ALDH1A1: variants seen among roughly 807,000 people sequenced by gnomAD.
ALDH1A1 encodes aldehyde dehydrogenase 1 family member A1.
Under a neutral mutation model 62.1 loss-of-function variants are expected in ALDH1A1, and 19 were observed. The ratio of observed to expected loss-of-function variants is 0.31; its 90% CI spans 0.21 to 0.45. The LOEUF is 0.45. Among genes scored for constraint, ALDH1A1 ranks in the 20% least tolerant of loss-of-function variants. The pLI is 1.00. For missense variants in ALDH1A1, 521 were observed against 607.1 expected, an observed-to-expected ratio of 0.86 and a Z score of 1.49; for synonymous variants, 231 against 215.9, an observed-to-expected ratio of 1.07 and a Z score of -0.61.
At chr9:72,921,240 C>CAAA (rs1025687679) in intron 7 of ALDH1A1, among the ~76,000 whole-genome samples, 2,851 of 78,948 alleles carry the variant, frequency 0.036, 120 homozygotes, top group African/African-American at 0.11. Context: ...CGACTCCTCT[C>CAAA]AAAAAAAAAA....
chr9:72,926,362 G>T (rs1022397993), intron 5 of ALDH1A1, among the ~76,000 whole-genome samples: 1 of 152,186 alleles, frequency 6.6e-6, no homozygotes, highest in Admixed American at 6.5e-5. Flanking sequence ...ATATTGATAT[G>T]AATATATTTC....
intron 4 of ALDH1A1, 151 bp downstream of exon 4, chr9:72,928,741 A>G (rs1830242756): frequency 2.4e-6 from 2 of 822,152 alleles, no homozygotes; most frequent in Non-Finnish European, 3.5e-6. Context: ...AGAACTTCTA[A>G]GTTGAAAACT....
At chr9:72,939,085 G>T (rs2118564380) in intron 2 of ALDH1A1, among the ~76,000 whole-genome samples, 1 of 152,180 alleles carries the variant, frequency 6.6e-6, no homozygotes, top group Non-Finnish European at 1.5e-5. Flanking sequence ...TGAAGCAGTA[G>T]CCCTACTAGG....
At position 72,906,013 on chromosome 9, in the gene ALDH1A1, C is replaced by A. The variant is rs763363983; in HGVS notation, c.1378G>T (p.Val460Leu). 2 of 1,612,408 alleles carry A rather than the reference C, an allele frequency of 1.2e-6. No individual in the cohort carries two copies. The highest frequency in any genetic ancestry group is 1.7e-4 in the Middle Eastern group (1 of 6,056). ...CCACCAAAGGGGCACTGGGCACTTA[C>A]CACGCCATAGCAATTCACCCTGAAG... ...GTVWVNCYGV[V>L]SAQCPFGGFK... The change falls in exon 12 of 13, where the codon GTA (valine) becomes TTA (leucine). Residue 460 changes from valine (V) to leucine (L), a missense_variant. By Grantham distance (32) the Val-to-Leu change is conservative. Transcript: ENST00000297785.
At chr9:72,948,576 A>G (rs1830501440) in intron 1 of ALDH1A1, among the ~76,000 whole-genome samples, 1 of 151,750 alleles carries the variant, frequency 6.6e-6, no homozygotes, top group Non-Finnish European at 1.5e-5. Flanking sequence ...TATTCTCTAC[A>G]TCCCTCAGGC....
At chr9:72,908,843 T>C (rs895506001) in intron 11 of ALDH1A1, among the ~76,000 whole-genome samples, 1 of 152,022 alleles carries the variant, frequency 6.6e-6, no homozygotes, top group African/African-American at 2.4e-5. Context: ...AAATAAGAGA[T>C]ATAAACTAGG....
At position 72,909,559 on chromosome 9, in the gene ALDH1A1, G is replaced by A. The variant is rs376746367; in HGVS notation, c.1358+43C>T. On this transcript the variant is annotated intron_variant, in intron 11 of 12. Transcript: ENST00000297785. ...AAGTTCAAGGTAGTAATCTGTTAAT[G>A]TGGTTATTACTGAAAAGGCTACATT... 2.4e-4 allele frequency: 364 copies of A among 1,541,354 alleles called. 3 individuals are homozygous for A. Among genetic ancestry groups the A allele is most frequent in the Non-Finnish European group, 4.1e-5 (47 of 1,141,626 alleles).
chr9:72,908,556 AAAG>A (rs1381633528), intron 11 of ALDH1A1, among the ~76,000 whole-genome samples: 11 of 3,864 alleles, frequency 2.8e-3, no homozygotes, highest in African/African-American at 6.0e-3. Flanking sequence ...AAGAAAGAAG[AAAG>A]AAAGAAAGAA....
At chr9:72,948,781 A>G (rs889353692) in intron 1 of ALDH1A1, among the ~76,000 whole-genome samples, 2 of 151,860 alleles carry the variant, frequency 1.3e-5, no homozygotes, top group African/African-American at 4.8e-5. Context: ...TAGCCCTCTT[A>G]TATCATGAGA....
chr9:72,924,398 C>A (rs1830179983), intron 6 of ALDH1A1, among the ~76,000 whole-genome samples: 1 of 152,140 alleles, frequency 6.6e-6, no homozygotes. Flanking sequence ...ATGGCTCTTT[C>A]AAATTTCATA....
intron 7 of ALDH1A1, among the ~76,000 whole-genome samples, chr9:72,919,231 A>G (rs1830104367): frequency 6.6e-6 from 1 of 152,194 alleles, no homozygotes; most frequent in Non-Finnish European, 1.5e-5. Flanking sequence ...TAATCAGAAT[A>G]TCATCTTTCT....
At chr9:72,948,844 T>C (rs780122621) in intron 1 of ALDH1A1, among the ~76,000 whole-genome samples, 8 of 151,562 alleles carry the variant, frequency 5.3e-5, no homozygotes, top group Admixed American at 2.0e-4. Context: ...AAGGGAAATA[T>C]GGGAGAAACG....
intron 5 of ALDH1A1, among the ~76,000 whole-genome samples, chr9:72,926,825 T>C (rs1011702630): frequency 3.9e-5 from 6 of 152,120 alleles, no homozygotes; most frequent in Non-Finnish European, 8.8e-5. Context: ...TTATAAAGAG[T>C]ACATAATACA....
chr9:72,952,997 A>T lies in ALDH1A1; in HGVS notation c.4T>A (p.Ser2Thr). ...GGTAAGTCTGGCGTGCCTGAGGATG[A>T]CATTTCTGATTCGGCTCCTGGAACA... M[S>T]SSGTPDLPVL... Residue 2 changes from serine (S) to threonine (T), a missense_variant, in exon 1 of 13, where the codon TCA (serine) becomes ACA (threonine). Physicochemically the swap from Ser to Thr is moderately conservative, Grantham distance 58. Transcript: ENST00000297785. 1 of 1,613,144 alleles carries T rather than the reference A, an allele frequency of 6.2e-7. No homozygotes were observed. Among genetic ancestry groups the T allele is most frequent in the Non-Finnish European group, 8.5e-7 (1 of 1,179,334 alleles).
intron 9 of ALDH1A1, 23 bp from the exon 10 acceptor site, chr9:72,912,145 A>C: frequency 6.3e-7 from 1 of 1,596,450 alleles, no homozygotes; most frequent in Non-Finnish European, 8.6e-7. Context: ...TATCACATGA[A>C]AAGAAAAAAA....
chr9:72,919,013 T>C (rs1830100716), intron 7 of ALDH1A1, among the ~76,000 whole-genome samples, 191 bp from the exon 8 acceptor site: 1 of 152,066 alleles, frequency 6.6e-6, no homozygotes, highest in Non-Finnish European at 1.5e-5. Context: ...CAATCTCGGC[T>C]CACTGCAACC....
chr9:72,940,215 C>T lies in ALDH1A1; in HGVS notation c.104G>A (p.Gly35Asp). Reference protein sequence around the residue: ...INNEWHDSVSGKKFPVFNPAT... With the variant: ...INNEWHDSVSDKKFPVFNPAT... ...AGGATTAAAGACAGGAAATTTCTTG[C>T]CACTCACTGAATCATGCCATTCATT... is the stretch of plus-strand genomic sequence containing the variant. The change falls in exon 2 of 13, where the codon GGC becomes GAC. Residue 35 changes from glycine to aspartate, a missense_variant. Physicochemically the swap from Gly to Asp is moderately conservative, Grantham distance 94. Transcript: ENST00000297785. The T allele has an allele frequency of 3.1e-6, 5 of 1,613,622 alleles. No homozygotes were observed. The highest frequency in any genetic ancestry group is 4.2e-6 in the Non-Finnish European group (5 of 1,179,706).
At position 72,906,227 on chromosome 9, in the gene ALDH1A1, T is replaced by C. The variant is rs879348078; in HGVS notation, c.1359-195A>G. 2.0e-5 allele frequency among the ~76,000 whole-genome samples: 3 copies of C among 152,222 alleles called. 1 individual carries two copies. The highest frequency in any genetic ancestry group is 4.1e-4 in the South Asian group (2 of 4,826). The stretch of plus-strand genomic sequence containing the variant: ...TGGATACACACTACCTAGAAACAAA[T>C]AGAATAGTGCAACTATATATATGGA... On this transcript the variant is annotated intron_variant, in intron 11 of 12. Transcript: ENST00000297785.
intron 9 of ALDH1A1, among the ~76,000 whole-genome samples, chr9:72,915,388 T>C (rs1433255790): frequency 2.0e-5 from 3 of 152,150 alleles, no homozygotes; most frequent in Non-Finnish European, 2.9e-5. Flanking sequence ...TATCAATCAA[T>C]CATCCATCAA....
Sources: allele counts gnomAD v4.1 joint callset (sites outside exome capture counted in the v4.1 genomes callset), GRCh38; gene constraint gnomAD v4.1.1; transcripts MANE v1.5; gene names NCBI Gene and HGNC (gene_info 2026-07-23, HGNC 2026-07-21).